Variants in TBX5 observed in about 807,000 individuals in gnomAD.
TBX5 encodes T-box transcription factor 5, also known as T-box transcription factor TBX5.
A neutral mutation model predicts 51.1 loss-of-function variants in TBX5; 8 were observed. The ratio of observed to expected loss-of-function variants is 0.16; its 90% confidence interval spans 0.09 to 0.28. The LOEUF is 0.28. TBX5 is among the 10% of genes least tolerant of loss of function. The pLI is 1.00. For missense variants in TBX5, 589 were observed against 671.7 expected (o/e 0.88, Z 1.36); for synonymous variants, 302 against 266.4 (o/e 1.13, Z -1.30).
chr12:114,407,784 C>T (rs977317021), upstream of TBX5: 2 of 985,260 alleles, frequency 2.0e-6, no homozygotes, highest in African/African-American at 3.5e-5. Flanking sequence ...AAACCTATTT[C>T]CCCCCTCAGT....
At chr12:114,397,811 T>C (rs1037133858) in intron 5 of TBX5, among the ~76,000 whole-genome samples, 6 of 152,188 alleles carry the variant, frequency 3.9e-5, no homozygotes, top group African/African-American at 1.4e-4. Context: ...AGTATCAAGC[T>C]AAAAAGTGGC....
chr12:114,356,076 T>C lies in TBX5; in HGVS notation c.1013A>G (p.Tyr338Cys), dbSNP rs764322332. Reference protein sequence around the residue: ...EEECSTTDHPYKKPYMETSPS... With the variant: ...EEECSTTDHPCKKPYMETSPS... ...TGATGTCTCCATGTAGGGCTTCTTA[T>C]AGGGATGGTCTGTGGTGGAACATTC... is the stretch of plus-strand genomic sequence containing the variant. The change falls in exon 9 of 9, where the codon TAT becomes TGT. Residue 338 changes from tyrosine (Y) to cysteine (C), a missense_variant. Transcript: ENST00000405440. 8.1e-6 allele frequency: 13 copies of C among 1,613,170 alleles called. No homozygotes were observed. The highest frequency in any genetic ancestry group is 6.7e-5 in the Admixed American group (4 of 60,006).
intron 5 of TBX5, among the ~76,000 whole-genome samples, chr12:114,395,302 C>A (rs900443287): frequency 3.3e-5 from 5 of 151,964 alleles, no homozygotes; most frequent in African/African-American, 1.2e-4. Context: ...CGGGGACAAA[C>A]AAACAACAAA....
At chr12:114,397,163 A>C (rs946694892) in intron 5 of TBX5, among the ~76,000 whole-genome samples, 2 of 152,002 alleles carry the variant, frequency 1.3e-5, no homozygotes, top group Non-Finnish European at 2.9e-5. Flanking sequence ...CCTTGACCAA[A>C]TTCATTCCCT....
intron 8 of TBX5, among the ~76,000 whole-genome samples, chr12:114,362,062 G>T (rs1021045530): frequency 2.0e-5 from 3 of 152,004 alleles, no homozygotes; most frequent in African/African-American, 7.3e-5. Flanking sequence ...ACAAAGAAGT[G>T]GGGTAATTCT....
At chr12:114,407,994 C>A, upstream of TBX5, 2 of 985,360 alleles carry the variant, frequency 2.0e-6, no homozygotes, top group Non-Finnish European at 2.4e-6. Context: ...TTGTGGTCTC[C>A]GACAAATTAA....
chr12:114,369,727 A>G (rs978612061), intron 7 of TBX5, among the ~76,000 whole-genome samples: 2 of 152,206 alleles, frequency 1.3e-5, no homozygotes, highest in African/African-American at 2.4e-5. Context: ...TGAAGAAGCA[A>G]GGACACAAGA....
intron 6 of TBX5, 113 bp from the exon 7 acceptor site, chr12:114,385,680 A>G: frequency 1.1e-6 from 1 of 901,168 alleles, no homozygotes; most frequent in Admixed American, 1.9e-5. Context: ...GGCAACCAAA[A>G]GAAGCAAATT....
At position 114,401,885 on chromosome 12, in the gene TBX5, T is replaced by G. The variant is rs777853147; in HGVS notation, c.183A>C (p.Arg61Ser). Reference sequence around the variant, plus strand: ...CTTCGTGGAATTTTAGCCACAGTTCTCTTTCATGGAGAAACACTTTGATTC... The same window carrying G: ...CTTCGTGGAATTTTAGCCACAGTTCGCTTTCATGGAGAAACACTTTGATTC... ...MEGIKVFLHERELWLKFHEVG... is the reference protein window; with the variant it reads ...MEGIKVFLHESELWLKFHEVG... The change falls in exon 3 of 9, where the codon AGA (arginine) becomes AGC (serine). Residue 61 changes from arginine (R) to serine (S), a missense_variant. By Grantham distance (110) the Arg-to-Ser change is moderately radical (BLOSUM62 -1). Coordinates refer to ENST00000405440, the MANE Select transcript of TBX5 (RefSeq NM_181486.4). The G allele has an allele frequency of 2.5e-6, 4 of 1,614,220 alleles. No individual in the cohort carries two copies. In the South Asian group the frequency reaches 4.4e-5, roughly 18 times the overall value.
At chr12:114,380,221 T>A (rs922600129) in intron 7 of TBX5, among the ~76,000 whole-genome samples, 10 of 152,206 alleles carry the variant, frequency 6.6e-5, no homozygotes, top group African/African-American at 2.4e-4. Context: ...AGAACTTGTT[T>A]GAATACATCT....
intron 8 of TBX5, among the ~76,000 whole-genome samples, chr12:114,363,236 T>G (rs1377155465): frequency 1.3e-5 from 2 of 152,180 alleles, no homozygotes; most frequent in Non-Finnish European, 2.9e-5. Context: ...AGCTGCCAAG[T>G]GTCGTCAACT....
rs553221448 is a variant in TBX5, at chr12:114,401,045, A to G, written c.242+781T>C. Among the ~76,000 whole-genome samples the G allele has an allele frequency of 2.0e-5, 3 of 152,188 alleles. No homozygotes were observed. In the South Asian group the frequency reaches 6.2e-4, roughly 32 times the overall value. On this transcript the variant is annotated intron_variant, in intron 3 of 8. Transcript: ENST00000405440. The stretch of plus-strand genomic sequence containing the variant: ...CGCGGAAGACCCGTCCAGCACGGGT[A>G]GGGATGTGGCCAGGACGTCCCCAGG...
intron 3 of TBX5, 28 bp from the exon 4 acceptor site, chr12:114,399,660 G>T (rs751705347): frequency 5.9e-5 from 95 of 1,613,886 alleles, no homozygotes; most frequent in Non-Finnish European, 7.7e-5. Flanking sequence ...AGGGAGAGAG[G>T]GGGGCGGGAA....
intron 7 of TBX5, among the ~76,000 whole-genome samples, chr12:114,368,733 C>T (rs1481730873): frequency 6.6e-6 from 1 of 152,178 alleles, no homozygotes; most frequent in Admixed American, 6.5e-5. Context: ...GTGAACATCT[C>T]CACCCTATGT....
At chr12:114,365,922 G>A (rs1334931768) in intron 8 of TBX5, among the ~76,000 whole-genome samples, 1 of 151,944 alleles carries the variant, frequency 6.6e-6, no homozygotes, top group Non-Finnish European at 1.5e-5. Flanking sequence ...GAATACAATA[G>A]GTCTGAACAT....
At chr12:114,376,241 G>A (rs1870180056) in intron 7 of TBX5, among the ~76,000 whole-genome samples, 1 of 150,846 alleles carries the variant, frequency 6.6e-6, no homozygotes, top group South Asian at 2.1e-4. Flanking sequence ...ATGAGTGGAT[G>A]AATGGATAAA....
intron 6 of TBX5, among the ~76,000 whole-genome samples, chr12:114,386,314 C>T (rs530593673): frequency 1.5e-4 from 23 of 152,264 alleles, no homozygotes; most frequent in Non-Finnish European, 3.1e-4. Flanking sequence ...AATCCATCAA[C>T]GCATTATATT....
Position 114,355,544 on chromosome 12 carries a change from G to A in TBX5, c.1545C>T (p.Ser515=), listed in dbSNP as rs186780790. The A allele has an allele frequency of 6.4e-5, 103 of 1,613,908 alleles. No individual in the cohort carries two copies. The East Asian group carries it at 1.6e-3, about 26-fold the overall frequency. Reference sequence around the variant, plus strand: ...AGCAGGCCTCACTTTAGCTATTGTCGCTCCACTCTGGCACCATGCCAACTC... The same window carrying A: ...AGCAGGCCTCACTTTAGCTATTGTCACTCCACTCTGGCACCATGCCAACTC... ...VHGVGMVPEW[S]DNS Residue 515 remains serine, a synonymous_variant, in exon 9 of 9, where the codon AGC becomes AGT. Transcript: ENST00000405440.
chr12:114,363,865 G>T (rs895726923), intron 8 of TBX5, among the ~76,000 whole-genome samples: 2 of 152,220 alleles, frequency 1.3e-5, no homozygotes, highest in African/African-American at 4.8e-5. Flanking sequence ...TCTATTCAGG[G>T]ACCTGTGTCC....
Sources: gnomAD v4.1 joint callset for allele counts (sites outside exome capture counted in the v4.1 genomes callset) on GRCh38, gnomAD v4.1.1 for gene constraint, MANE v1.5 for transcripts, NCBI Gene and HGNC (gene_info 2026-07-23, HGNC 2026-07-21) for gene names.